PDILT: variants seen among roughly 807,000 people sequenced by gnomAD.
PDILT encodes protein disulfide isomerase like, testis expressed, also known as protein disulfide-isomerase-like protein of the testis.
A neutral mutation model predicts 53.7 loss-of-function variants in PDILT; 43 were observed. That is an observed-to-expected ratio of 0.80 (90% CI 0.63 to 1.03). PDILT has a LOEUF of 1.03. Ranked by LOEUF, PDILT falls within the 50% of genes least tolerant of loss-of-function variation. The probability of loss-of-function intolerance (pLI) is 0.00; values close to 1 mark genes in which losing one functional copy is unlikely to be tolerated. For missense variants in PDILT, 727 were observed against 712.3 expected, an observed-to-expected ratio of 1.02 and a Z score of -0.24; for synonymous variants, 282 against 274.2, an observed-to-expected ratio of 1.03 and a Z score of -0.28.
chr16:20,403,193 A>G (rs1966766160), intron 1 of PDILT, among the ~76,000 whole-genome samples: 1 of 152,280 alleles, frequency 6.6e-6, no homozygotes, highest in South Asian at 2.1e-4. Flanking sequence ...TCCCGCCAAG[A>G]GGGTGTGGTA....
chr16:20,384,939 C>A, intron 2 of PDILT, 88 bp from the exon 3 acceptor site: 1 of 1,307,236 alleles, frequency 7.6e-7, no homozygotes, highest in Non-Finnish European at 1.1e-6. Context: ...GCTTAGCTCC[C>A]GGAACCTTTC....
Position 20,390,728 on chromosome 16 carries a change from A to G in PDILT, c.203-5877T>C, listed in dbSNP as rs1416826479. On this transcript the variant is annotated intron_variant, in intron 2 of 11. Coordinates refer to ENST00000302451, the MANE Select transcript of PDILT (RefSeq NM_174924.2). ...AAATACTGAAGGAATGAAGTTTCCA[A>G]TGATCAGCACAGTGCAAGAAGATGA... 4 of 152,238 alleles carry G rather than the reference A, an allele frequency of 2.6e-5. No homozygotes were observed. The East Asian group carries it at 7.7e-4, about 29-fold the overall frequency. The allele number at this position is 152,238 out of a possible 1,614,324, so 9.4% of individuals were successfully genotyped here.
chr16:20,399,319 G>T lies in PDILT; in HGVS notation c.-7-12C>A. On this transcript the variant is annotated splice_polypyrimidine_tract_variant and intron_variant, in intron 1 of 11. Coordinates refer to ENST00000302451, the MANE Select transcript of PDILT (RefSeq NM_174924.2). ...GGTCCATGGCTGTCCTGCAGGGGCC[G>T]GAGAAGGAACAGAGACCTTATCAAC... is the stretch of plus-strand genomic sequence containing the variant. 1 of 1,612,660 alleles carries T rather than the reference G, an allele frequency of 6.2e-7. No individual in the cohort carries two copies.
intron 2 of PDILT, among the ~76,000 whole-genome samples, chr16:20,385,285 T>C (rs964274717): frequency 7.9e-5 from 12 of 152,174 alleles, no homozygotes; most frequent in African/African-American, 2.9e-4. Context: ...GGTATTATTA[T>C]TATCTCAATT....
intron 2 of PDILT, among the ~76,000 whole-genome samples, chr16:20,397,732 G>T (rs1056761525): frequency 6.6e-6 from 1 of 152,180 alleles, no homozygotes; most frequent in Non-Finnish European, 1.5e-5. Flanking sequence ...GGGTGGAGGG[G>T]CAGCTTGGGA....
chr16:20,400,058 A>T (rs9929296), intron 1 of PDILT, among the ~76,000 whole-genome samples: 1 of 96,042 alleles, frequency 1.0e-5, no homozygotes, highest in African/African-American at 4.5e-5. Flanking sequence ...ATCTATCTAT[A>T]TATATATATA....
chr16:20,367,031 CT>C (rs1264935184), intron 8 of PDILT, among the ~76,000 whole-genome samples: 1 of 10,082 alleles, frequency 9.9e-5, no homozygotes, highest in East Asian at 9.9e-4. Flanking sequence ...TTTCTTCTTT[CT>C]TTCTTTCTTT....
intron 3 of PDILT, among the ~76,000 whole-genome samples, chr16:20,379,740 G>A (rs543121471): frequency 2.0e-5 from 3 of 152,310 alleles, no homozygotes; most frequent in African/African-American, 7.2e-5. Flanking sequence ...AGTAGATATA[G>A]TTAAGGTCAT....
intron 10 of PDILT, 56 bp from the exon 11 acceptor site, chr16:20,360,713 G>T: frequency 1.5e-6 from 2 of 1,325,264 alleles, no homozygotes; most frequent in Non-Finnish European, 2.2e-6. Flanking sequence ...AGAGATGCTC[G>T]AGGATTGCTA....
intron 1 of PDILT, among the ~76,000 whole-genome samples, chr16:20,401,566 A>G (rs143210881): frequency 6.6e-6 from 1 of 152,302 alleles, no homozygotes; most frequent in African/African-American, 2.4e-5. Context: ...CTGGCAGGAA[A>G]GGGCCAGATC....
chr16:20,395,224 T>C (rs1295306540), intron 2 of PDILT, among the ~76,000 whole-genome samples: 1 of 152,192 alleles, frequency 6.6e-6, no homozygotes, highest in Non-Finnish European at 1.5e-5. Flanking sequence ...CTAAAGAGGT[T>C]GGAAACCTAA....
rs2141696331 is a variant in PDILT at position 20,360,550 on chromosome 16, A to G, written c.1506+18T>C. ...TGTGTGGGACAGAATAATTCAGAGT[A>G]TTTCTGTTGCCCCTTACCTCATCCT... On this transcript the variant is annotated intron_variant, in intron 11 of 11. Coordinates refer to ENST00000302451, the MANE Select transcript of PDILT (RefSeq NM_174924.2). 1 of 1,590,594 alleles carries G rather than the reference A, an allele frequency of 6.3e-7. No individual in the cohort carries two copies. Among genetic ancestry groups the G allele is most frequent in the Non-Finnish European group, 8.6e-7 (1 of 1,158,592 alleles).
intron 3 of PDILT, among the ~76,000 whole-genome samples, chr16:20,378,046 C>T (rs1320320868): frequency 1.3e-5 from 2 of 152,122 alleles, no homozygotes; most frequent in African/African-American, 2.4e-5. Flanking sequence ...GAGAAACAGC[C>T]TATACAAAGT....
intron 2 of PDILT, among the ~76,000 whole-genome samples, chr16:20,395,024 G>A (rs987726919): frequency 1.3e-5 from 2 of 152,148 alleles, no homozygotes; most frequent in Non-Finnish European, 2.9e-5. Context: ...AGAAGTTTGA[G>A]TATTAAAGTG....
intron 8 of PDILT, among the ~76,000 whole-genome samples, chr16:20,367,027 CTTTCTTTCTTTCTTTCTTTCTTT>C (rs1966210914): frequency 1.4e-3 from 9 of 6,224 alleles, no homozygotes; most frequent in South Asian, 8.9e-3. Flanking sequence ...TCTCTTTCTT[CTTTCTTTCTTTCTTTCTTTCTTT>C]CTTTCTTTCT....
chr16:20,374,949 T>A lies in PDILT; in HGVS notation c.554A>T (p.Glu185Val). The change falls in exon 5 of 12, where the codon GAA becomes GTA. Residue 185 changes from glutamate to valine, a missense_variant. By Grantham distance (121) the Glu-to-Val change is moderately radical. Coordinates refer to ENST00000302451, the MANE Select transcript of PDILT (RefSeq NM_174924.2). ...ATCATAGAACAACTCTGCTACTTCT[T>A]CCTCTAAATCCTATTTGGGAAAGGA... Reference protein sequence around the residue: ...VIVGFFQDLEEEVAELFYDVI... With the variant: ...VIVGFFQDLEVEVAELFYDVI... 4 of 1,606,756 alleles carry A rather than the reference T, an allele frequency of 2.5e-6. No individual in the cohort carries two copies. Among genetic ancestry groups the A allele is most frequent in the Non-Finnish European group, 3.4e-6 (4 of 1,175,968 alleles).
At position 20,374,898 on chromosome 16, in the gene PDILT, G is replaced by T. The variant is rs1424272841; in HGVS notation, c.605C>A (p.Thr202Lys). 2 of 1,614,054 alleles carry T rather than the reference G, an allele frequency of 1.2e-6. No homozygotes were observed. Among genetic ancestry groups the T allele is most frequent in the Middle Eastern group, 1.6e-4 (1 of 6,062 alleles). The part of the protein sequence containing the change: ...YDVIKDFPEL[T>K]FGVITIGNVI... Reference sequence around the variant, plus strand: ...ATTGCCAATCGTTATGACTCCAAACGTTAGCTCTGGAAAGTCTTTGATCAC... The same window carrying T: ...ATTGCCAATCGTTATGACTCCAAACTTTAGCTCTGGAAAGTCTTTGATCAC... The change falls in exon 5 of 12, where the codon ACG becomes AAG. Residue 202 changes from threonine (T) to lysine (K), a missense_variant. Thr to Lys is a moderately conservative substitution (Grantham distance 78). Coordinates refer to ENST00000302451, the MANE Select transcript of PDILT (RefSeq NM_174924.2).
intron 8 of PDILT, among the ~76,000 whole-genome samples, chr16:20,367,083 CT>C (rs1291889065): frequency 0.033 from 3,805 of 115,682 alleles, 152 homozygotes; most frequent in African/African-American, 0.048. Context: ...TTCTTTCTTT[CT>C]TTCTTTCTTT....
intron 2 of PDILT, among the ~76,000 whole-genome samples, chr16:20,395,740 C>G (rs1381266839): frequency 6.6e-6 from 1 of 152,148 alleles, no homozygotes; most frequent in Non-Finnish European, 1.5e-5. Flanking sequence ...ACCAAGGTAA[C>G]GAGTGAGTTC....
Sources: gnomAD v4.1 joint callset for allele counts (sites outside exome capture counted in the v4.1 genomes callset) on GRCh38, gnomAD v4.1.1 for gene constraint, MANE v1.5 for transcripts, NCBI Gene and HGNC (gene_info 2026-07-23, HGNC 2026-07-21) for gene names.